C2orf72: variants seen among roughly 807,000 people sequenced by gnomAD.
C2orf72 encodes the protein chromosome 2 open reading frame 72, also known as uncharacterized protein C2orf72.
C2orf72 carries 16 observed loss-of-function variants against 14.4 expected under a neutral mutation model. The observed-to-expected ratio is 1.11, with a 90% CI of 0.75 to 1.69. C2orf72 has a LOEUF of 1.69. Among genes scored for constraint, C2orf72 ranks in the 40% most tolerant of loss-of-function variants. The pLI, the probability that C2orf72 is intolerant of heterozygous loss-of-function variation, is 0.00. For synonymous variants in C2orf72, 168 were observed against 176.8 expected (o/e 0.95, Z 0.40); for missense variants, 371 against 358.3 (o/e 1.04, Z -0.29).
At chr2:231,041,779 A>C (rs906766839) in intron 2 of C2orf72, among the ~76,000 whole-genome samples, 1 of 151,882 alleles carries the variant, frequency 6.6e-6, no homozygotes, top group Non-Finnish European at 1.5e-5. Context: ...GGATGGAGGG[A>C]TTTTCGTAGG....
chr2:231,047,128 G>A lies in C2orf72; in HGVS notation c.*107G>A, dbSNP rs1417941206. The A allele has an allele frequency of 2.9e-6, 4 of 1,368,544 alleles. No homozygotes were observed. Among genetic ancestry groups the A allele is most frequent in the Admixed American group, 2.0e-5 (1 of 50,766 alleles). The allele number at this position is 1,368,544 out of a possible 1,614,324, so 84.8% of individuals were successfully genotyped here. On this transcript the variant is annotated 3_prime_UTR_variant, in exon 3 of 3. Transcript: ENST00000373640. The stretch of plus-strand genomic sequence containing the variant: ...GAGACTGCAGAAACCCCCGCCTGCT[G>A]GAGGCCTGCCACACTCACAGTTACC...
At chr2:231,042,650 T>C (rs556695776) in intron 2 of C2orf72, among the ~76,000 whole-genome samples, 1 of 152,304 alleles carries the variant, frequency 6.6e-6, no homozygotes, top group African/African-American at 2.4e-5. Flanking sequence ...TTTCATTGTG[T>C]CTCTCATTTA....
Position 231,037,916 on chromosome 2 carries a change from CG to C in C2orf72, c.352del (p.Ala118ProfsTer108). On this transcript the variant is annotated frameshift_variant, in exon 1 of 3. Transcript: ENST00000373640. LOFTEE classifies it high-confidence loss of function. ...FVLCRASSLA[A>X]REPRRRLREM... ...TGCTGTGCCGCGCGTCGTCGCTGGC[CG>C]CCCGGGAGCCGCGGCGCCGCCTGCG... 9.8e-7 allele frequency: 1 copy of C among 1,025,248 alleles called. No homozygotes were observed. The highest frequency in any genetic ancestry group is 1.2e-6 in the Non-Finnish European group (1 of 857,888). 63.5% of individuals were successfully genotyped at this position (1,025,248 alleles called of 1,614,324 possible).
At chr2:231,043,298 C>T (rs1693368648) in intron 2 of C2orf72, among the ~76,000 whole-genome samples, 1 of 151,952 alleles carries the variant, frequency 6.6e-6, no homozygotes. Flanking sequence ...ATCACATTCA[C>T]AGAGCCCATC....
At position 231,044,073 on chromosome 2, in the gene C2orf72, A is replaced by G. The variant is rs528986079; in HGVS notation, c.748+2664A>G. Among the ~76,000 whole-genome samples, 36 of 152,332 alleles carry G rather than the reference A, an allele frequency of 2.4e-4. No homozygotes were observed. In the South Asian group the frequency reaches 7.5e-3, roughly 32 times the overall value. On this transcript the variant is annotated intron_variant, in intron 2 of 2. Coordinates refer to ENST00000373640, the MANE Select transcript of C2orf72 (RefSeq NM_001144994.2). ...GCTGTGTGTCTCAACATACCTAAAC[A>G]TAGTAAAGGTGCAGTAAAAATATGC...
chr2:231,037,823 G>T lies in C2orf72; in HGVS notation c.258G>T (p.Ala86=), dbSNP rs1276955446. The change falls in exon 1 of 3, where the codon GCG becomes GCT. Residue 86 remains alanine (A), a synonymous_variant. Transcript: ENST00000373640. Reference sequence around the variant, plus strand: ...CGGCGCGCGGGGCGCAGAGGGCGGCGAGGGCGGCTGGGGCGGCGGGGGCGG... The same window carrying T: ...CGGCGCGCGGGGCGCAGAGGGCGGCTAGGGCGGCTGGGGCGGCGGGGGCGG... ...PGAARGAQRA[A]RAAGAAGAAA... 1.8e-5 allele frequency: 18 copies of T among 979,332 alleles called. No homozygotes were observed. Among genetic ancestry groups the T allele is most frequent in the Non-Finnish European group, 2.2e-5 (18 of 827,648 alleles). 60.7% of individuals were successfully genotyped at this position (979,332 alleles called of 1,614,324 possible).
At chr2:231,046,287 A>G (rs1159143186) in intron 2 of C2orf72, among the ~76,000 whole-genome samples, 2 of 140,214 alleles carry the variant, frequency 1.4e-5, no homozygotes, top group Non-Finnish European at 3.0e-5. Context: ...TTTTACTTCT[A>G]TGCAGTGTGT....
chr2:231,040,611 TTGGATCTG>T (rs1476535254), intron 1 of C2orf72, among the ~76,000 whole-genome samples: 2 of 152,220 alleles, frequency 1.3e-5, no homozygotes, highest in Non-Finnish European at 2.9e-5. Context: ...TCGCTAGTGG[TTGGATCTG>T]TTTTTTTAAA....
chr2:231,049,003 G>A lies in C2orf72; in HGVS notation c.*1982G>A, dbSNP rs1451813808. 1 of 152,150 alleles carries A rather than the reference G, an allele frequency of 6.6e-6. No individual in the cohort carries two copies. The highest frequency in any genetic ancestry group is 2.4e-5 in the African/African-American group (1 of 41,434). The allele number at this position is 152,150 out of a possible 1,614,324, so 9.4% of individuals were successfully genotyped here. A position where few individuals can be genotyped will look rare whatever the true frequency, so the allele number is the denominator to read the frequency against. Reference sequence around the variant, plus strand: ...AAGTTATAAGGCTTCATAACCTTTTGTATGTATTGCCAATATTTGAAACTT... The same window carrying A: ...AAGTTATAAGGCTTCATAACCTTTTATATGTATTGCCAATATTTGAAACTT... On this transcript the variant is annotated 3_prime_UTR_variant, in exon 3 of 3. Transcript: ENST00000373640.
At chr2:231,041,871 G>C (rs1376930960) in intron 2 of C2orf72, among the ~76,000 whole-genome samples, 1 of 152,078 alleles carries the variant, frequency 6.6e-6, no homozygotes, top group Non-Finnish European at 1.5e-5. Flanking sequence ...GACCACCTTC[G>C]AGAGGCCCTG....
chr2:231,046,857 A>C (rs1693424306), intron 2 of C2orf72, 25 bp from the exon 3 acceptor site: 1 of 1,536,776 alleles, frequency 6.5e-7, no homozygotes, highest in African/African-American at 1.4e-5. Flanking sequence ...CTTCTGATTC[A>C]GTGATTTCTT....
At position 231,038,506 on chromosome 2, in the gene C2orf72, A is replaced by T. The variant is rs1175456185; in HGVS notation, c.634+307A>T. On this transcript the variant is annotated intron_variant, in intron 1 of 2. Coordinates refer to ENST00000373640, the MANE Select transcript of C2orf72 (RefSeq NM_001144994.2). ...GAATCGGGCAAGGCCGAGATCTAGG[A>T]GTTACGGGGTGGGTGGGGGTGGGGA... Among the ~76,000 whole-genome samples, 4 of 71,400 alleles carry T rather than the reference A, an allele frequency of 5.6e-5. No homozygotes were observed. The East Asian group carries it at 1.7e-3, about 31-fold the overall frequency. The allele number at this position is 71,400 out of a possible 152,430, so 46.8% of individuals were successfully genotyped here. A position where few individuals can be genotyped will look rare whatever the true frequency, so the allele number is the denominator to read the frequency against.
intron 2 of C2orf72, 97 bp from the exon 3 acceptor site, chr2:231,046,785 A>G (rs574305207): frequency 9.7e-6 from 12 of 1,234,782 alleles, no homozygotes; most frequent in Middle Eastern, 2.0e-4. Context: ...TTTTTTAAGT[A>G]GGTATTTGCT....
At chr2:231,038,795 G>A (rs530673735) in intron 1 of C2orf72, among the ~76,000 whole-genome samples, 1 of 152,180 alleles carries the variant, frequency 6.6e-6, no homozygotes, top group African/African-American at 2.4e-5. Context: ...GGGACTAAGA[G>A]TACATTTTCT....
chr2:231,038,835 G>C lies in C2orf72; in HGVS notation c.634+636G>C, dbSNP rs189751799. Among the ~76,000 whole-genome samples, 340 of 152,220 alleles carry C rather than the reference G, an allele frequency of 2.2e-3. 4 individuals are homozygous for C. Among genetic ancestry groups the C allele is most frequent in the African/African-American group, 7.9e-3 (330 of 41,530 alleles). On this transcript the variant is annotated intron_variant, in intron 1 of 2. Coordinates refer to ENST00000373640, the MANE Select transcript of C2orf72 (RefSeq NM_001144994.2). The stretch of plus-strand genomic sequence containing the variant: ...ATTTCTGGCCACCCACCAAGGCTGT[G>C]CACCCAACTGCTGTGTCCCTCAGCC...
intron 2 of C2orf72, among the ~76,000 whole-genome samples, chr2:231,043,613 C>T (rs528842232): frequency 1.3e-5 from 2 of 152,228 alleles, no homozygotes; most frequent in Admixed American, 1.3e-4. Context: ...AACCTCTCCA[C>T]CATCATTTTG....
chr2:231,046,291 AGTGTGTGT>A (rs34513584), intron 2 of C2orf72, among the ~76,000 whole-genome samples: 5,108 of 136,240 alleles, frequency 0.037, 277 homozygotes, highest in African/African-American at 0.12. Context: ...ACTTCTATGC[AGTGTGTGT>A]GTGTGTGTGT....
intron 2 of C2orf72, among the ~76,000 whole-genome samples, chr2:231,046,637 C>T (rs575291174): frequency 6.6e-6 from 1 of 152,294 alleles, no homozygotes; most frequent in Admixed American, 6.5e-5. Context: ...CAGTTTCATC[C>T]TTAGGCTGGT....
rs1408766934 is a variant in C2orf72, at chr2:231,047,248, CAG to C, written c.*228_*229del. The C allele has an allele frequency of 1.5e-6, 1 of 649,740 alleles. No homozygotes were observed. Among genetic ancestry groups the C allele is most frequent in the Non-Finnish European group, 2.8e-6 (1 of 354,540 alleles). 40.2% of individuals were successfully genotyped at this position (649,740 alleles called of 1,614,324 possible). On this transcript the variant is annotated 3_prime_UTR_variant, in exon 3 of 3. Coordinates refer to ENST00000373640, the MANE Select transcript of C2orf72 (RefSeq NM_001144994.2). The stretch of plus-strand genomic sequence containing the variant: ...ACCCAGCATTTGCTAAGTCTGATCA[CAG>C]GGAGGTTATTTTGTCTCTCTGTCTC...
Sources: gnomAD v4.1 joint callset for allele counts (sites outside exome capture counted in the v4.1 genomes callset) on GRCh38, gnomAD v4.1.1 for gene constraint, MANE v1.5 for transcripts, NCBI Gene and HGNC (gene_info 2026-07-23, HGNC 2026-07-21) for gene names.